TWF1: variants seen among roughly 807,000 people sequenced by gnomAD.
TWF1 encodes twinfilin-1.
TWF1 carries 14 observed loss-of-function variants against 47.9 expected under a neutral mutation model. The observed-to-expected ratio is 0.29, with a 90% CI of 0.19 to 0.46. The LOEUF is 0.46. Ranked by LOEUF, TWF1 falls within the 20% of genes least tolerant of loss-of-function variation. The probability of loss-of-function intolerance (pLI) is 1.00; values close to 1 mark genes in which losing one functional copy is unlikely to be tolerated. For missense variants in TWF1, 281 were observed against 409.3 expected, an observed-to-expected ratio of 0.69 and a Z score of 2.70; for synonymous variants, 96 against 139.2, an observed-to-expected ratio of 0.69 and a Z score of 2.18.
intron 8 of TWF1, 52 bp downstream of exon 8, chr12:43,796,924 A>G: frequency 6.4e-7 from 1 of 1,561,218 alleles, no homozygotes; most frequent in Non-Finnish European, 8.8e-7. Flanking sequence ...ACTACATAGA[A>G]ATGAAAAGAA....
At chr12:43,797,254 C>G in intron 7 of TWF1, 48 bp downstream of exon 7, 1 of 1,527,584 alleles carries the variant, frequency 6.5e-7, no homozygotes, top group Non-Finnish European at 8.8e-7. Context: ...GGCTGATACA[C>G]CAATAAACAA....
At chr12:43,803,331 T>C (rs1000987648) in intron 2 of TWF1, among the ~76,000 whole-genome samples, 1 of 152,108 alleles carries the variant, frequency 6.6e-6, no homozygotes, top group African/African-American at 2.4e-5. Flanking sequence ...CCAATTGTAG[T>C]TGCCCCAGGG....
At position 43,804,540 on chromosome 12, in the gene TWF1, C is replaced by A; in HGVS notation, c.58G>T (p.Ala20Ser). The change falls in exon 2 of 9, where the codon GCC becomes TCC. Residue 20 changes from alanine to serine, a missense_variant. By Grantham distance (99) the Ala-to-Ser change is moderately conservative. Transcript: ENST00000395510. ...AGAAGTCTGTACTTTCCATTTCTGG[C>A]TCTGGCAAAGATCTCTTTAACATCT... ...SEDVKEIFAR[A>S]RNGKYRLLKI... is the part of the protein sequence containing the mutation. 1 of 1,603,426 alleles carries A rather than the reference C, an allele frequency of 6.2e-7. No homozygotes were observed. The highest frequency in any genetic ancestry group is 8.5e-7 in the Non-Finnish European group (1 of 1,176,196).
intron 5 of TWF1, 49 bp downstream of exon 5, chr12:43,799,349 T>G: frequency 8.2e-7 from 1 of 1,221,704 alleles, no homozygotes; most frequent in Non-Finnish European, 1.2e-6. Context: ...AAAAATACAG[T>G]ATTTTCAAAC....
At position 43,806,317 on chromosome 12, in the gene TWF1, G is replaced by A; in HGVS notation, c.-72C>T. 7.3e-7 allele frequency: 1 copy of A among 1,375,252 alleles called. No individual in the cohort carries two copies. Among genetic ancestry groups the A allele is most frequent in the Non-Finnish European group, 9.4e-7 (1 of 1,066,050 alleles). 85.2% of individuals were successfully genotyped at this position (1,375,252 alleles called of 1,614,324 possible). Reference sequence around the variant, plus strand: ...GCCCCGGCCGGCGGCCCCAGGAAGTGGCTGCTCCTCCGCCGGCCCCGGCGC... The same window carrying A: ...GCCCCGGCCGGCGGCCCCAGGAAGTAGCTGCTCCTCCGCCGGCCCCGGCGC... On this transcript the variant is annotated 5_prime_UTR_variant, in exon 1 of 9. Transcript: ENST00000395510.
chr12:43,797,868 G>T, intron 5 of TWF1, 35 bp from the exon 6 acceptor site: 2 of 1,603,768 alleles, frequency 1.2e-6, no homozygotes, highest in South Asian at 2.2e-5. Context: ...AAGTTTAGCA[G>T]TTAGCAGTAT....
chr12:43,800,410 T>C (rs1489713442), intron 4 of TWF1, 25 bp downstream of exon 4: 4 of 1,562,510 alleles, frequency 2.6e-6, no homozygotes, highest in African/African-American at 2.7e-5. Flanking sequence ...TTGCAACATA[T>C]AGAATCCACA....
intron 4 of TWF1, 91 bp downstream of exon 4, chr12:43,800,344 C>T: frequency 1.2e-6 from 1 of 809,216 alleles, no homozygotes; most frequent in Non-Finnish European, 2.0e-6. Flanking sequence ...TCAGATTATC[C>T]ATCTGAATTC....
chr12:43,794,785 T>C lies in TWF1; in HGVS notation c.*800A>G, dbSNP rs1942521008. 1 of 152,290 alleles carries C rather than the reference T, an allele frequency of 6.6e-6. No individual in the cohort carries two copies. Among genetic ancestry groups the C allele is most frequent in the African/African-American group, 2.4e-5 (1 of 41,456 alleles). 9.4% of individuals were successfully genotyped at this position (152,290 alleles called of 1,614,324 possible). A position where few individuals can be genotyped will look rare whatever the true frequency, so the allele number is the denominator to read the frequency against. On this transcript the variant is annotated 3_prime_UTR_variant, in exon 9 of 9. Coordinates refer to ENST00000395510, the MANE Select transcript of TWF1 (RefSeq NM_002822.5). ...ATAAAGAACACAATTTGCCCATAAA[T>C]GTATGGTTTTGGAGAAAAAAGTCAA...
At chr12:43,800,125 CA>C (rs1242230807) in intron 4 of TWF1, among the ~76,000 whole-genome samples, 1 of 151,802 alleles carries the variant, frequency 6.6e-6, no homozygotes, top group African/African-American at 2.4e-5. Flanking sequence ...TCTAAACAAA[CA>C]AAAAAGTTCA....
intron 1 of TWF1, 22 bp from the exon 2 acceptor site, chr12:43,804,594 GT>G: frequency 6.5e-7 from 1 of 1,543,524 alleles, no homozygotes; most frequent in Non-Finnish European, 8.8e-7. Flanking sequence ...GATAAAGAAA[GT>G]AAACTTTTTA....
At position 43,794,560 on chromosome 12, in the gene TWF1, C is replaced by T. The variant is rs1157943546; in HGVS notation, c.*1025G>A. ...ACAGATTAAACATTAAGTGTTCTAG[C>T]TCCCTCTATTTCAAGTATCAAAGAA... On this transcript the variant is annotated 3_prime_UTR_variant, in exon 9 of 9. Transcript: ENST00000395510. The T allele has an allele frequency of 6.7e-6, 1 of 150,178 alleles. No homozygotes were observed. Among genetic ancestry groups the T allele is most frequent in the Non-Finnish European group, 1.5e-5 (1 of 67,572 alleles). The allele number at this position is 150,178 out of a possible 1,614,324, so 9.3% of individuals were successfully genotyped here. A position where few individuals can be genotyped will look rare whatever the true frequency, so the allele number is the denominator to read the frequency against.
At chr12:43,800,174 G>A (rs1368708442) in intron 4 of TWF1, among the ~76,000 whole-genome samples, 3 of 152,040 alleles carry the variant, frequency 2.0e-5, no homozygotes, top group Non-Finnish European at 4.4e-5. Flanking sequence ...GTATATATGT[G>A]TAAATACATA....
chr12:43,806,117 C>A (rs1266219375), intron 1 of TWF1, 104 bp downstream of exon 1: 4 of 1,524,452 alleles, frequency 2.6e-6, no homozygotes, highest in Non-Finnish European at 2.6e-6. Context: ...GACCGACTTC[C>A]GGAGCTCCCG....
At chr12:43,804,166 T>C in intron 2 of TWF1, 1 of 387,136 alleles carries the variant, frequency 2.6e-6, no homozygotes, top group Non-Finnish European at 5.2e-6. Flanking sequence ...TTTTTTTTTT[T>C]GATAATCACC....
In TWF1 at chr12:43,794,871, A is replaced by G. The variant is rs1203514930; in HGVS notation, c.*714T>C. ...TTTGAATGATATTAATTTAAATTTC[A>G]ATCTGAACATAAATGTTTGGCCTCA... On this transcript the variant is annotated 3_prime_UTR_variant, in exon 9 of 9. Coordinates refer to ENST00000395510, the MANE Select transcript of TWF1 (RefSeq NM_002822.5). 6.6e-6 allele frequency: 1 copy of G among 152,148 alleles called. No individual in the cohort carries two copies. The highest frequency in any genetic ancestry group is 1.5e-5 in the Non-Finnish European group (1 of 68,024). 9.4% of individuals were successfully genotyped at this position (152,148 alleles called of 1,614,324 possible). A position where few individuals can be genotyped will look rare whatever the true frequency, so the allele number is the denominator to read the frequency against.
In TWF1 at chr12:43,805,765, G is replaced by A. The variant is rs117530420; in HGVS notation, c.25+456C>T. ...CCCTACTGATGTGAGAAAGATTCTG[G>A]CATGGTTCTTTTTGTAATCAAAGTC... is the stretch of plus-strand genomic sequence containing the variant. On this transcript the variant is annotated intron_variant, in intron 1 of 8. Coordinates refer to ENST00000395510, the MANE Select transcript of TWF1 (RefSeq NM_002822.5). 1,275 of 1,339,872 alleles carry A rather than the reference G, an allele frequency of 9.5e-4. 21 individuals are homozygous for A. The Admixed American group carries it at 0.019, about 20-fold the overall frequency. 83.0% of individuals were successfully genotyped at this position (1,339,872 alleles called of 1,614,324 possible).
Position 43,806,284 on chromosome 12 carries a change from A to G in TWF1, c.-39T>C. The G allele has an allele frequency of 1.3e-6, 2 of 1,484,600 alleles. No homozygotes were observed. Among genetic ancestry groups the G allele is most frequent in the Admixed American group, 2.3e-5 (1 of 44,108 alleles). 92.0% of individuals were successfully genotyped at this position (1,484,600 alleles called of 1,614,324 possible). A position where few individuals can be genotyped will look rare whatever the true frequency, so the allele number is the denominator to read the frequency against. ...AGCTCCCGGCTCCGGCGCTGAGTGCAGCCAGCGGCCCCGGCCGGCGGCCCC... is the reference window on the plus strand; with the variant it reads ...AGCTCCCGGCTCCGGCGCTGAGTGCGGCCAGCGGCCCCGGCCGGCGGCCCC... On this transcript the variant is annotated 5_prime_UTR_variant, in exon 1 of 9. Coordinates refer to ENST00000395510, the MANE Select transcript of TWF1 (RefSeq NM_002822.5).
intron 2 of TWF1, 103 bp from the exon 3 acceptor site, chr12:43,802,567 T>G: frequency 1.2e-6 from 1 of 840,262 alleles, no homozygotes; most frequent in Non-Finnish European, 1.9e-6. Context: ...TCCCAGTTAC[T>G]ATTATTCACA....
Sources: gnomAD v4.1 joint callset for allele counts (sites outside exome capture counted in the v4.1 genomes callset) on GRCh38, gnomAD v4.1.1 for gene constraint, MANE v1.5 for transcripts, NCBI Gene and HGNC (gene_info 2026-07-23, HGNC 2026-07-21) for gene names.